Variants in PDE4D observed in about 807,000 individuals in gnomAD.
PDE4D encodes 3',5'-cyclic-AMP phosphodiesterase 4D.
A neutral mutation model predicts 87.4 loss-of-function variants in PDE4D; 24 were observed. The ratio of observed to expected loss-of-function variants is 0.27; its 90% CI spans 0.20 to 0.39. The LOEUF (loss-of-function observed/expected upper bound fraction) is 0.39. Ranked by LOEUF, PDE4D falls within the 10% of genes least tolerant of loss-of-function variation. The pLI is 1.00. For synonymous variants in PDE4D, 384 were observed against 383.2 expected (o/e 1.00, Z -0.02); for missense variants, 714 against 1,041.0 (o/e 0.69, Z 4.32).
intron 1 of PDE4D, among the ~76,000 whole-genome samples, chr5:59,782,089 A>C (rs971531442): frequency 1.3e-5 from 2 of 152,192 alleles, no homozygotes; most frequent in African/African-American, 4.8e-5. Context: ...TAAACTTTAG[A>C]TAATTGATGC....
At chr5:59,791,920 G>A (rs1765837646) in intron 1 of PDE4D, among the ~76,000 whole-genome samples, 1 of 152,200 alleles carries the variant, frequency 6.6e-6, no homozygotes, top group Non-Finnish European at 1.5e-5. Context: ...ACGAGAGAAT[G>A]TGTGAGAAAC....
chr5:59,260,134 T>A lies in PDE4D; in HGVS notation c.456-44166A>T, dbSNP rs977367115. On this transcript the variant is annotated intron_variant, in intron 1 of 14. Coordinates refer to ENST00000340635, the MANE Select transcript of PDE4D (RefSeq NM_001104631.2). ...AAAGATTGTCCTGAGAGTCTTTTTT[T>A]CTTTTTCTCCCCAAGTTGGTTCCCA... 9.9e-5 allele frequency among the ~76,000 whole-genome samples: 15 copies of A among 151,964 alleles called. No individual in the cohort carries two copies. In the East Asian group the frequency reaches 2.9e-3, roughly 29 times the overall value.
intron 6 of PDE4D, among the ~76,000 whole-genome samples, chr5:58,994,509 A>G (rs1748712509): frequency 6.6e-6 from 1 of 152,204 alleles, no homozygotes. Context: ...GACAAAAAAA[A>G]GTCAGATGCA....
chr5:60,046,789 T>C (rs1391728075), intron 2 of PDE4D, among the ~76,000 whole-genome samples: 3 of 152,204 alleles, frequency 2.0e-5, no homozygotes, highest in Admixed American at 1.3e-4. Context: ...TTGAGGATTT[T>C]TGCATCAATG....
chr5:59,374,004 C>A (rs1325312584), intron 1 of PDE4D, among the ~76,000 whole-genome samples: 1 of 152,126 alleles, frequency 6.6e-6, no homozygotes, highest in East Asian at 1.9e-4. Flanking sequence ...ACCAGACATG[C>A]CTTACAAGAA....
rs182473347 is a variant in PDE4D at position 59,967,013 on chromosome 5, A to T, written c.272+21475T>A. ...ATATAATTTCCTAATTGGTAAATTAAACTACAGGTGTGGGGAATTTTTATG... is the reference window on the plus strand; with the variant it reads ...ATATAATTTCCTAATTGGTAAATTATACTACAGGTGTGGGGAATTTTTATG... On this transcript the variant is annotated intron_variant, in intron 3 of 16. Transcript: ENST00000502484. Among the ~76,000 whole-genome samples, 6 of 152,314 alleles carry T rather than the reference A, an allele frequency of 3.9e-5. No homozygotes were observed. The East Asian group carries it at 1.2e-3, about 29-fold the overall frequency.
At chr5:60,258,237 T>C (rs1749302397) in intron 1 of PDE4D, among the ~76,000 whole-genome samples, 1 of 151,960 alleles carries the variant, frequency 6.6e-6, no homozygotes, top group Non-Finnish European at 1.5e-5. Flanking sequence ...TGTGTGAATA[T>C]ACAGTCCCTG....
intron 1 of PDE4D, among the ~76,000 whole-genome samples, chr5:59,412,508 A>C (rs1304736542): frequency 6.6e-6 from 1 of 152,204 alleles, no homozygotes; most frequent in African/African-American, 2.4e-5. Context: ...TCTGTAGCTC[A>C]TGGCACGGCT....
intron 1 of PDE4D, among the ~76,000 whole-genome samples, chr5:59,809,483 A>G (rs981937589): frequency 3.3e-5 from 5 of 152,238 alleles, no homozygotes; most frequent in African/African-American, 1.2e-4. Flanking sequence ...AGACAGTACT[A>G]GAATAAATCA....
At chr5:60,387,922 C>G (rs1030813066) in intron 1 of PDE4D, among the ~76,000 whole-genome samples, 3 of 152,172 alleles carry the variant, frequency 2.0e-5, no homozygotes, top group Non-Finnish European at 2.9e-5. Flanking sequence ...AGTCTGGTGT[C>G]TTTTGACCAA....
At chr5:59,929,303 T>G (rs1405448467) in intron 3 of PDE4D, among the ~76,000 whole-genome samples, 1 of 152,106 alleles carries the variant, frequency 6.6e-6, no homozygotes, top group Non-Finnish European at 1.5e-5. Context: ...TGATATCAGC[T>G]TTAGCAATCT....
At chr5:60,487,855 G>A (rs1205963962) in intron 1 of PDE4D, 1 of 152,434 alleles carries the variant, frequency 6.6e-6, no homozygotes, top group Non-Finnish European at 1.5e-5. Flanking sequence ...TCATCTGCTA[G>A]TTCAGTATTT....
At chr5:59,412,948 T>C (rs967465678) in intron 1 of PDE4D, among the ~76,000 whole-genome samples, 3 of 152,126 alleles carry the variant, frequency 2.0e-5, no homozygotes, top group Non-Finnish European at 2.9e-5. Flanking sequence ...TGGTACTATA[T>C]TATGGTAGAT....
chr5:59,913,739 T>C (rs958266335), intron 3 of PDE4D, among the ~76,000 whole-genome samples: 7 of 152,124 alleles, frequency 4.6e-5, no homozygotes, highest in African/African-American at 1.7e-4. Context: ...ACTGTGAAAA[T>C]AGCTTATATA....
chr5:59,476,490 A>G (rs1803310815), intron 1 of PDE4D, among the ~76,000 whole-genome samples: 1 of 152,138 alleles, frequency 6.6e-6, no homozygotes, highest in Admixed American at 6.6e-5. Flanking sequence ...TGTAAAATCC[A>G]AGCATATGTA....
At chr5:59,818,208 G>C (rs1769220375) in intron 1 of PDE4D, among the ~76,000 whole-genome samples, 1 of 152,228 alleles carries the variant, frequency 6.6e-6, no homozygotes, top group African/African-American at 2.4e-5. Flanking sequence ...CTCTTGCAGA[G>C]AGGAAATGTA....
At chr5:59,062,022 G>A (rs543642154) in intron 5 of PDE4D, among the ~76,000 whole-genome samples, 91 of 152,100 alleles carry the variant, frequency 6.0e-4, no homozygotes, top group African/African-American at 1.6e-3. Flanking sequence ...CATCACCAGC[G>A]TCCACTCTGC....
chr5:60,133,983 T>C (rs976156196), intron 2 of PDE4D, among the ~76,000 whole-genome samples: 7 of 152,192 alleles, frequency 4.6e-5, no homozygotes, highest in Non-Finnish European at 1.0e-4. Context: ...TGTGACTTTG[T>C]TGCCAGTAAA....
chr5:60,416,883 G>A (rs569016352), intron 1 of PDE4D, among the ~76,000 whole-genome samples: 6 of 152,264 alleles, frequency 3.9e-5, no homozygotes, highest in South Asian at 2.1e-4. Flanking sequence ...AATGTGATAC[G>A]AACAAGAAAT....
Sources: allele counts gnomAD v4.1 joint callset (sites outside exome capture counted in the v4.1 genomes callset), GRCh38; gene constraint gnomAD v4.1.1; transcripts MANE v1.5; gene names NCBI Gene and HGNC (gene_info 2026-07-23, HGNC 2026-07-21).